Variants in GNAQ observed in about 807,000 individuals in gnomAD.
GNAQ encodes guanine nucleotide-binding protein G(q) subunit alpha.
Under a neutral mutation model 43.9 loss-of-function variants are expected in GNAQ, and 8 were observed. That is an observed-to-expected ratio of 0.18 (90% CI 0.11 to 0.33). GNAQ has a LOEUF of 0.33. Ranked by LOEUF, GNAQ falls within the 10% of genes least tolerant of loss-of-function variation. The pLI, the probability that GNAQ is intolerant of heterozygous loss-of-function variation, is 1.00. For synonymous variants in GNAQ, 155 were observed against 170.7 expected (o/e 0.91, Z 0.71); for missense variants, 158 against 450.8 (o/e 0.35, Z 5.88).
intron 3 of GNAQ, among the ~76,000 whole-genome samples, chr9:77,806,857 G>C (rs527775565): frequency 2.6e-5 from 4 of 152,138 alleles, no homozygotes; most frequent in Non-Finnish European, 5.9e-5. Flanking sequence ...TGGCAATGAA[G>C]AAAAACGTGT....
intron 2 of GNAQ, among the ~76,000 whole-genome samples, chr9:77,884,408 C>T (rs114147023): frequency 0.021 from 3,178 of 152,200 alleles, 105 homozygotes; most frequent in African/African-American, 0.071. Flanking sequence ...ATGCAAACGA[C>T]TATTAGGAAA....
rs529206145 is a variant in GNAQ at position 77,979,297 on chromosome 9, G to A, written c.136+51803C>T. Among the ~76,000 whole-genome samples, 108 of 151,446 alleles carry A rather than the reference G, an allele frequency of 7.1e-4. No individual in the cohort carries two copies. The Middle Eastern group carries it at 0.01, about 14-fold the overall frequency. ...CTTGAACACAGGAGGTAGAGGTTGC[G>A]GTGAGCCGAGATGGCGCCATTGCAC... On this transcript the variant is annotated intron_variant, in intron 1 of 6. Transcript: ENST00000286548.
In GNAQ at chr9:77,801,891, T is replaced by C. The variant is rs556516700; in HGVS notation, c.477-4243A>G. 3.9e-5 allele frequency among the ~76,000 whole-genome samples: 6 copies of C among 152,220 alleles called. No individual in the cohort carries two copies. In the South Asian group the frequency reaches 8.3e-4, roughly 21 times the overall value. ...AATTTATAGACCACGAACGACATTT[T>C]TGGCTGGGCGCAGTGGCTCACACCT... On this transcript the variant is annotated intron_variant, in intron 3 of 6. Coordinates refer to ENST00000286548, the MANE Select transcript of GNAQ (RefSeq NM_002072.5).
chr9:77,958,007 A>G (rs1482755536), intron 1 of GNAQ, among the ~76,000 whole-genome samples: 2 of 152,214 alleles, frequency 1.3e-5, no homozygotes, highest in Admixed American at 6.5e-5. Flanking sequence ...TCACCTTTAC[A>G]AAGGTTTCTT....
intron 2 of GNAQ, among the ~76,000 whole-genome samples, chr9:77,892,169 T>C (rs1052373075): frequency 6.6e-6 from 1 of 152,208 alleles, no homozygotes; most frequent in Non-Finnish European, 1.5e-5. Flanking sequence ...TGCATGGATT[T>C]TGAGTCCACT....
chr9:77,830,813 C>G (rs1216039436), intron 2 of GNAQ, among the ~76,000 whole-genome samples: 1 of 147,574 alleles, frequency 6.8e-6, no homozygotes, highest in Non-Finnish European at 1.5e-5. Context: ...ATTTTGCTGT[C>G]AAAACCACTG....
At chr9:77,929,693 G>A (rs1394889438) in intron 1 of GNAQ, among the ~76,000 whole-genome samples, 2 of 151,978 alleles carry the variant, frequency 1.3e-5, no homozygotes, top group African/African-American at 4.8e-5. Context: ...AAATTAGCCC[G>A]GTGTGGTGAT....
chr9:77,963,504 C>G (rs1823130341), intron 1 of GNAQ, among the ~76,000 whole-genome samples: 1 of 151,876 alleles, frequency 6.6e-6, no homozygotes, highest in African/African-American at 2.4e-5. Flanking sequence ...AGAACTATAA[C>G]AAGAAATGAA....
At chr9:77,806,347 A>G (rs2118486370) in intron 3 of GNAQ, among the ~76,000 whole-genome samples, 1 of 152,348 alleles carries the variant, frequency 6.6e-6, no homozygotes, top group Middle Eastern at 3.4e-3. Context: ...TAATTCAGTT[A>G]ATTTACACAT....
chr9:77,840,220 T>G (rs1374927329), intron 2 of GNAQ, among the ~76,000 whole-genome samples: 1 of 152,212 alleles, frequency 6.6e-6, no homozygotes, highest in African/African-American at 2.4e-5. Context: ...ATAATTGGTA[T>G]ACTTCTAAAT....
intron 3 of GNAQ, among the ~76,000 whole-genome samples, chr9:77,801,648 A>G (rs1282052647): frequency 6.6e-6 from 1 of 152,214 alleles, no homozygotes; most frequent in African/African-American, 2.4e-5. Context: ...TAGCTTAACA[A>G]AAGACAAGAC....
Position 77,805,961 on chromosome 9 carries a change from T to C in GNAQ, c.477-8313A>G, listed in dbSNP as rs531605068. The stretch of plus-strand genomic sequence containing the variant: ...TTTGGTAAATAGTTTCATTATCTTA[T>C]GAATCTGAAAGTCTGACATAAAGAG... On this transcript the variant is annotated intron_variant, in intron 3 of 6. Coordinates refer to ENST00000286548, the MANE Select transcript of GNAQ (RefSeq NM_002072.5). Among the ~76,000 whole-genome samples the C allele has an allele frequency of 1.4e-4, 21 of 152,342 alleles. No homozygotes were observed. The East Asian group carries it at 3.9e-3, about 28-fold the overall frequency.
rs188605797 is a variant in GNAQ at position 77,734,063 on chromosome 9, G to T, written c.736-5396C>A. ...AAAGGGCCTAAAGGGACAATATTTC[G>T]TGTCTACACTTTGCATCCCTGCTGT... On this transcript the variant is annotated intron_variant, in intron 5 of 6. Transcript: ENST00000286548. Among the ~76,000 whole-genome samples the T allele has an allele frequency of 1.2e-3, 180 of 152,256 alleles. 1 individual carries two copies. Among genetic ancestry groups the T allele is most frequent in the African/African-American group, 4.0e-3 (167 of 41,576 alleles).
intron 1 of GNAQ, among the ~76,000 whole-genome samples, chr9:78,021,946 G>T (rs921196415): frequency 6.6e-6 from 1 of 152,188 alleles, no homozygotes; most frequent in African/African-American, 2.4e-5. Flanking sequence ...CGCCCTTCCT[G>T]CAGGAAGCAA....
intron 2 of GNAQ, among the ~76,000 whole-genome samples, chr9:77,830,768 A>T (rs1226933697): frequency 6.6e-6 from 1 of 152,184 alleles, no homozygotes; most frequent in African/African-American, 2.4e-5. Context: ...AGCATTTTGA[A>T]AATGGATATT....
At chr9:77,968,474 T>C (rs1283050408) in intron 1 of GNAQ, among the ~76,000 whole-genome samples, 1 of 152,236 alleles carries the variant, frequency 6.6e-6, no homozygotes. Context: ...TTATTTACCA[T>C]ACAGTTTCCT....
intron 1 of GNAQ, among the ~76,000 whole-genome samples, chr9:78,008,178 C>CCT (rs1246905299): frequency 6.6e-6 from 1 of 152,104 alleles, no homozygotes; most frequent in Non-Finnish European, 1.5e-5. Context: ...GACCCATGTA[C>CCT]CTCTACACAG....
intron 2 of GNAQ, 135 bp from the exon 3 acceptor site, chr9:77,815,905 C>T (rs1827005895): frequency 1.8e-6 from 1 of 546,162 alleles, no homozygotes; most frequent in African/African-American, 2.0e-5. Context: ...ACAATAAAGT[C>T]ATGTTTCATA....
intron 2 of GNAQ, among the ~76,000 whole-genome samples, chr9:77,824,637 A>G (rs1297865624): frequency 6.6e-6 from 1 of 152,208 alleles, no homozygotes; most frequent in Non-Finnish European, 1.5e-5. Flanking sequence ...TCATTACCAC[A>G]AAATACATTA....
Sources: allele counts gnomAD v4.1 joint callset (sites outside exome capture counted in the v4.1 genomes callset), GRCh38; gene constraint gnomAD v4.1.1; transcripts MANE v1.5; gene names NCBI Gene and HGNC (gene_info 2026-07-23, HGNC 2026-07-21).